PHLPP2: variants seen among roughly 807,000 people sequenced by gnomAD.
The protein encoded by PHLPP2 is PH domain leucine-rich repeat-containing protein phosphatase 2.
A neutral mutation model predicts 124.9 loss-of-function variants in PHLPP2; 66 were observed. That is an observed-to-expected ratio of 0.53 (90% CI 0.43 to 0.65). The LOEUF (loss-of-function observed/expected upper bound fraction) is 0.65. Ranked by LOEUF, PHLPP2 falls within the 30% of genes least tolerant of loss-of-function variation. The probability of loss-of-function intolerance (pLI) is 0.00; values close to 1 mark genes in which losing one functional copy is unlikely to be tolerated. For synonymous variants in PHLPP2, 681 were observed against 624.7 expected (o/e 1.09, Z -1.34); for missense variants, 1,685 against 1,600.4 (o/e 1.05, Z -0.90).
chr16:71,686,009 G>A (rs962650922), intron 4 of PHLPP2, among the ~76,000 whole-genome samples: 1 of 152,136 alleles, frequency 6.6e-6, no homozygotes, highest in Non-Finnish European at 1.5e-5. Context: ...GGGAGGCTGA[G>A]GCAGGAGAAC....
chr16:71,705,494 C>CT (rs1259533802), intron 2 of PHLPP2, among the ~76,000 whole-genome samples: 1 of 151,830 alleles, frequency 6.6e-6, no homozygotes, highest in Non-Finnish European at 1.5e-5. Flanking sequence ...TTACACATGT[C>CT]TTTTTTTTCT....
intron 18 of PHLPP2, among the ~76,000 whole-genome samples, chr16:71,652,313 T>G (rs2044702381): frequency 6.6e-6 from 1 of 152,202 alleles, no homozygotes; most frequent in Admixed American, 6.5e-5. Flanking sequence ...TGTTAATTTC[T>G]AAAAAAGGAG....
At chr16:71,693,322 G>C (rs942523062) in intron 3 of PHLPP2, among the ~76,000 whole-genome samples, 2 of 151,988 alleles carry the variant, frequency 1.3e-5, no homozygotes, top group Non-Finnish European at 2.9e-5. Context: ...CCTAAACCAA[G>C]TCATCACCAT....
intron 5 of PHLPP2, among the ~76,000 whole-genome samples, chr16:71,684,107 C>T (rs576513806): frequency 6.9e-6 from 1 of 145,062 alleles, no homozygotes; most frequent in East Asian, 2.2e-4. Context: ...TTTCAAAATA[C>T]ATTTCTCTTG....
intron 1 of PHLPP2, among the ~76,000 whole-genome samples, chr16:71,715,822 A>AG (rs2045358659): frequency 1.0e-5 from 1 of 99,498 alleles, no homozygotes; most frequent in African/African-American, 4.8e-5. Flanking sequence ...CACTAAAAAT[A>AG]CAAAAAAAAA....
Position 71,646,192 on chromosome 16 carries a change from C to T in PHLPP2, c.*2698G>A, listed in dbSNP as rs951051003. 2.4e-4 allele frequency: 37 copies of T among 152,628 alleles called. No homozygotes were observed. Among genetic ancestry groups the T allele is most frequent in the African/African-American group, 8.4e-4 (35 of 41,446 alleles). The allele number at this position is 152,628 out of a possible 1,614,324, so 9.5% of individuals were successfully genotyped here. On this transcript the variant is annotated 3_prime_UTR_variant, in exon 19 of 19. Transcript: ENST00000568954. The stretch of plus-strand genomic sequence containing the variant: ...ACAGCCTGTTTAGAAAACACAATGT[C>T]TGTAAGTTACCTCATAGGTCAAAGA...
intron 6 of PHLPP2, among the ~76,000 whole-genome samples, chr16:71,680,029 G>A (rs1013735450): frequency 6.6e-6 from 1 of 151,744 alleles, no homozygotes; most frequent in Non-Finnish European, 1.5e-5. Flanking sequence ...CTTGCAGTGA[G>A]CCGACATTGC....
chr16:71,667,473 T>C, intron 11 of PHLPP2, 140 bp from the exon 12 acceptor site: 6 of 644,812 alleles, frequency 9.3e-6, no homozygotes, highest in Non-Finnish European at 1.5e-5. Context: ...GACAAGTGCC[T>C]GAGCCAAGAA....
chr16:71,690,782 T>C (rs1163807395), intron 3 of PHLPP2, 73 bp from the exon 4 acceptor site: 3 of 1,055,550 alleles, frequency 2.8e-6, no homozygotes, highest in Non-Finnish European at 4.2e-6. Flanking sequence ...AAAGAAAGCA[T>C]TGTGTGTCAA....
chr16:71,679,944 G>A (rs1035258923), intron 6 of PHLPP2, among the ~76,000 whole-genome samples: 21 of 152,054 alleles, frequency 1.4e-4, no homozygotes, highest in African/African-American at 3.9e-4. Context: ...TTAGCCGGGC[G>A]TGGTGGCAGA....
chr16:71,650,998 A>G (rs2044692001), intron 18 of PHLPP2, among the ~76,000 whole-genome samples: 1 of 152,260 alleles, frequency 6.6e-6, no homozygotes. Flanking sequence ...TGTGGCTAAA[A>G]TAACATTTAT....
intron 10 of PHLPP2, among the ~76,000 whole-genome samples, chr16:71,670,633 G>C (rs1475758197): frequency 2.0e-5 from 3 of 146,590 alleles, no homozygotes; most frequent in Non-Finnish European, 3.0e-5. Flanking sequence ...GTGAGGTAAA[G>C]GGAACTTTGT....
Position 71,678,979 on chromosome 16 carries a change from T to G in PHLPP2, c.1044A>C (p.Gln348His). The G allele has an allele frequency of 1.3e-6, 2 of 1,573,662 alleles. No homozygotes were observed. Among genetic ancestry groups the G allele is most frequent in the Non-Finnish European group, 1.7e-6 (2 of 1,144,728 alleles). ...GAAAGTTGCCATCAAGACAGAGGGT[T>G]TGAAGACTATAGGAAGAAAACAAAA... ...PSQIGNLLNL[Q>H]TLCLDGNFLT... Residue 348 changes from glutamine (Q) to histidine (H), a missense_variant, in exon 8 of 19, where the codon CAA becomes CAC. By Grantham distance (24) the Gln-to-His change is conservative (BLOSUM62 0). Coordinates refer to ENST00000568954, the MANE Select transcript of PHLPP2 (RefSeq NM_015020.3).
At chr16:71,711,649 G>C (rs948442621) in intron 2 of PHLPP2, among the ~76,000 whole-genome samples, 18 of 152,174 alleles carry the variant, frequency 1.2e-4, no homozygotes, top group African/African-American at 4.3e-4. Flanking sequence ...AGGATTAAAT[G>C]AGGTAATTTA....
intron 17 of PHLPP2, among the ~76,000 whole-genome samples, chr16:71,653,395 G>A (rs1044908968): frequency 6.6e-6 from 1 of 152,090 alleles, no homozygotes; most frequent in Admixed American, 6.5e-5. Flanking sequence ...TGAATCAGTG[G>A]GTAAGAGGCT....
intron 2 of PHLPP2, among the ~76,000 whole-genome samples, chr16:71,710,958 T>A (rs1669935054): frequency 6.6e-6 from 1 of 152,206 alleles, no homozygotes; most frequent in Non-Finnish European, 1.5e-5. Flanking sequence ...ATGTCTCAAT[T>A]TATAGTATAT....
intron 1 of PHLPP2, among the ~76,000 whole-genome samples, chr16:71,722,361 G>C (rs1183023346): frequency 2.0e-5 from 3 of 152,100 alleles, no homozygotes; most frequent in Admixed American, 6.5e-5. Context: ...TTGAACCCTG[G>C]AGGCAGAGGT....
chr16:71,714,422 C>G (rs2045344198), intron 2 of PHLPP2, 90 bp downstream of exon 2: 22 of 1,423,896 alleles, frequency 1.5e-5, no homozygotes, highest in Non-Finnish European at 1.8e-5. Context: ...TCAGTTCCGG[C>G]AGAATTAAAA....
intron 1 of PHLPP2, among the ~76,000 whole-genome samples, chr16:71,720,614 C>A (rs1294336550): frequency 6.6e-6 from 1 of 152,004 alleles, no homozygotes; most frequent in Non-Finnish European, 1.5e-5. Flanking sequence ...CCTGTAATCC[C>A]AGCACTTTGG....
Sources: gnomAD v4.1 joint callset for allele counts (sites outside exome capture counted in the v4.1 genomes callset) on GRCh38, gnomAD v4.1.1 for gene constraint, MANE v1.5 for transcripts, NCBI Gene and HGNC (gene_info 2026-07-23, HGNC 2026-07-21) for gene names.